UBN2: variants seen among roughly 807,000 people sequenced by gnomAD.
UBN2 encodes ubinuclein-2.
Under a neutral mutation model 120.2 loss-of-function variants are expected in UBN2, and 35 were observed. The observed-to-expected ratio is 0.29, with a 90% CI of 0.22 to 0.39. The LOEUF is 0.39. Ranked by LOEUF, UBN2 falls within the 10% of genes least tolerant of loss-of-function variation. The pLI is 1.00. For synonymous variants in UBN2, 661 were observed against 648.7 expected (o/e 1.02, Z -0.29); for missense variants, 1,693 against 1,663.2 (o/e 1.02, Z -0.31).
At chr7:139,293,756 A>T (rs578056773) in intron 16 of UBN2, 133 bp from the exon 17 acceptor site, 1 of 791,140 alleles carries the variant, frequency 1.3e-6, no homozygotes. Flanking sequence ...AAATTTTCAA[A>T]AACGTGCTCT....
rs756246858 is a variant in UBN2 at position 139,252,086 on chromosome 7, A to C, written c.663+29A>C. 2.5e-6 allele frequency: 4 copies of C among 1,580,528 alleles called. No individual in the cohort carries two copies. The Admixed American group carries it at 6.7e-5, about 26-fold the overall frequency. On this transcript the variant is annotated intron_variant, in intron 3 of 17. Transcript: ENST00000473989. ...AGTAATGTATCTTTAATATAGCAGC[A>C]AATTCATTGTTTGTATGGGATAGTA...
At chr7:139,244,582 T>C (rs1302798863) in intron 2 of UBN2, among the ~76,000 whole-genome samples, 1 of 152,092 alleles carries the variant, frequency 6.6e-6, no homozygotes, top group African/African-American at 2.4e-5. Flanking sequence ...ATAATACATA[T>C]TACATCAAAG....
chr7:139,321,526 T>G, the UBN2 span, among the ~76,000 whole-genome samples: 1 of 152,160 alleles, frequency 6.6e-6, no homozygotes, highest in African/African-American at 2.4e-5. Flanking sequence ...CGTGGTTCTC[T>G]AGAAAGGGAG....
At chr7:139,244,920 C>T (rs547634908) in intron 2 of UBN2, among the ~76,000 whole-genome samples, 1 of 151,942 alleles carries the variant, frequency 6.6e-6, no homozygotes, top group East Asian at 1.9e-4. Flanking sequence ...TAAATACTCT[C>T]TATCACAATT....
intron 12 of UBN2, 117 bp from the exon 13 acceptor site, chr7:139,279,201 A>C: frequency 1.2e-6 from 1 of 824,950 alleles, no homozygotes; most frequent in Non-Finnish European, 2.0e-6. Context: ...CGGTTCCTTC[A>C]AAGAGCTTTC....
In UBN2 at chr7:139,302,083, G is replaced by C. The variant is rs1158729543; in HGVS notation, c.*4247G>C. ...CAATTCAGGCCTTTGTCTTTGTTAAGTGCCTTTTTTCTTTCTTTTTTCCTC... is the reference window on the plus strand; with the variant it reads ...CAATTCAGGCCTTTGTCTTTGTTAACTGCCTTTTTTCTTTCTTTTTTCCTC... On this transcript the variant is annotated 3_prime_UTR_variant, in exon 18 of 18. Coordinates refer to ENST00000473989, the MANE Select transcript of UBN2 (RefSeq NM_173569.4). The C allele has an allele frequency of 2.6e-5, 4 of 152,066 alleles. No individual in the cohort carries two copies. The highest frequency in any genetic ancestry group is 9.7e-5 in the African/African-American group (4 of 41,392). The allele number at this position is 152,066 out of a possible 1,614,324, so 9.4% of individuals were successfully genotyped here. A position where few individuals can be genotyped will look rare whatever the true frequency, so the allele number is the denominator to read the frequency against.
chr7:139,233,105 G>C (rs1251937995), intron 1 of UBN2, among the ~76,000 whole-genome samples: 1 of 152,158 alleles, frequency 6.6e-6, no homozygotes, highest in Non-Finnish European at 1.5e-5. Context: ...AAAGTATCAT[G>C]TTGAACAATT....
Position 139,258,568 on chromosome 7 carries a change from A to G in UBN2, c.744A>G (p.Gln248=). ...YINTGTLQFR[Q]ASDTEEDDIT... ...ACACTGGCACTCTACAGTTTCGCCAAGCTTCAGATACTGAAGAAGATGATA... is the reference window on the plus strand; with the variant it reads ...ACACTGGCACTCTACAGTTTCGCCAGGCTTCAGATACTGAAGAAGATGATA... The change falls in exon 4 of 18, where the codon CAA becomes CAG. Residue 248 remains glutamine, a synonymous_variant. Coordinates refer to ENST00000473989, the MANE Select transcript of UBN2 (RefSeq NM_173569.4). 6.2e-7 allele frequency: 1 copy of G among 1,608,268 alleles called. No individual in the cohort carries two copies. The highest frequency in any genetic ancestry group is 8.5e-7 in the Non-Finnish European group (1 of 1,176,870).
chr7:139,288,029 T>C (rs977404937), intron 15 of UBN2, among the ~76,000 whole-genome samples: 1 of 152,182 alleles, frequency 6.6e-6, no homozygotes, highest in Non-Finnish European at 1.5e-5. Context: ...CACACAGGGG[T>C]TTCCTCCTCT....
intron 8 of UBN2, among the ~76,000 whole-genome samples, chr7:139,269,808 T>G (rs1242440851): frequency 6.8e-6 from 1 of 146,876 alleles, no homozygotes; most frequent in Non-Finnish European, 1.5e-5. Context: ...AGTACTCACC[T>G]TTTTTTTTTT....
At chr7:139,243,617 A>G (rs1461938064) in intron 2 of UBN2, among the ~76,000 whole-genome samples, 1 of 152,212 alleles carries the variant, frequency 6.6e-6, no homozygotes, top group Non-Finnish European at 1.5e-5. Context: ...ATTTTAGCAC[A>G]GTTAGGGAAC....
Position 139,300,211 on chromosome 7 carries a change from TC to T in UBN2, c.*2376del, listed in dbSNP as rs1302837823. On this transcript the variant is annotated 3_prime_UTR_variant, in exon 18 of 18. Coordinates refer to ENST00000473989, the MANE Select transcript of UBN2 (RefSeq NM_173569.4). ...ATACAATGTGGAGATTCTTCTGTGT[TC>T]TCTTTAGTCTTGATTCCTTGAGGAC... The T allele has an allele frequency of 6.6e-6, 1 of 152,222 alleles. No individual in the cohort carries two copies. The highest frequency in any genetic ancestry group is 2.4e-5 in the African/African-American group (1 of 41,448). 9.4% of individuals were successfully genotyped at this position (152,222 alleles called of 1,614,324 possible).
At chr7:139,278,326 C>G (rs1026529481) in intron 12 of UBN2, among the ~76,000 whole-genome samples, 1 of 151,876 alleles carries the variant, frequency 6.6e-6, no homozygotes, top group East Asian at 1.9e-4. Flanking sequence ...GGACTACAGG[C>G]GTGCGCCACC....
In UBN2 at chr7:139,283,135, G is replaced by T. The variant is rs755586590; in HGVS notation, c.2230G>T (p.Ala744Ser). 2 of 1,612,460 alleles carry T rather than the reference G, an allele frequency of 1.2e-6. No individual in the cohort carries two copies. Among genetic ancestry groups the T allele is most frequent in the Non-Finnish European group, 1.7e-6 (2 of 1,179,832 alleles). Residue 744 changes from alanine to serine, a missense_variant, in exon 15 of 18, where the codon GCA becomes TCA. By Grantham distance (99) the Ala-to-Ser change is moderately conservative (BLOSUM62 1). This residue lies in a region of UBN2 where 837 missense variants were observed against 817.6 expected (regional missense o/e 1.02). Coordinates refer to ENST00000473989, the MANE Select transcript of UBN2 (RefSeq NM_173569.4). ...CATTGCTGCAGCTAGCTCTAGCTCT[G>T]CACCAGCCCAAGAAACCATCTGCCT... ...AAIAAASSSS[A>S]PAQETICLDD...
intron 15 of UBN2, among the ~76,000 whole-genome samples, chr7:139,287,828 T>C (rs986011351): frequency 1.3e-5 from 2 of 151,764 alleles, no homozygotes; most frequent in Non-Finnish European, 2.9e-5. Flanking sequence ...AGAACCTGTC[T>C]ATAGCTCTCC....
the UBN2 span, among the ~76,000 whole-genome samples, chr7:139,316,697 ATC>A: frequency 2.6e-5 from 4 of 152,020 alleles, no homozygotes; most frequent in Admixed American, 2.6e-4. Context: ...TGAGCAGAGA[ATC>A]ACGCCACTGC....
rs1798266195 is a variant in UBN2, at chr7:139,301,886, G to A, written c.*4050G>A. The A allele has an allele frequency of 6.6e-6, 1 of 151,952 alleles. No homozygotes were observed. Among genetic ancestry groups the A allele is most frequent in the African/African-American group, 2.4e-5 (1 of 41,394 alleles). 9.4% of individuals were successfully genotyped at this position (151,952 alleles called of 1,614,324 possible). ...TATGATTGTTGTTTTTTGCTTTTGA[G>A]GGGGCTTTTGTGTTTGTAATAATGA... On this transcript the variant is annotated 3_prime_UTR_variant, in exon 18 of 18. Coordinates refer to ENST00000473989, the MANE Select transcript of UBN2 (RefSeq NM_173569.4).
chr7:139,272,555 C>G, intron 9 of UBN2, 115 bp downstream of exon 9: 1 of 726,770 alleles, frequency 1.4e-6, no homozygotes, highest in Non-Finnish European at 2.1e-6. Flanking sequence ...GAGACGGAAT[C>G]TCAGTCTGTT....
intron 15 of UBN2, among the ~76,000 whole-genome samples, chr7:139,291,353 T>A (rs1209975287): frequency 8.5e-6 from 1 of 117,910 alleles, no homozygotes; most frequent in African/African-American, 3.6e-5. Context: ...AGAGTGAGAC[T>A]CTGTCTCAAA....
Sources: gnomAD v4.1 joint callset for allele counts (sites outside exome capture counted in the v4.1 genomes callset) on GRCh38, gnomAD v4.1.1 for gene constraint, gnomAD v4.1.1 regional missense constraint, MANE v1.5 for transcripts, NCBI Gene and HGNC (gene_info 2026-07-23, HGNC 2026-07-21) for gene names.